The following SUGCT variants were observed in gnomAD, a reference collection of about 807,000 sequenced individuals.
The protein encoded by SUGCT is succinyl-CoA:glutarate CoA-transferase.
A neutral mutation model predicts 55.0 loss-of-function variants in SUGCT; 41 were observed. The ratio of observed to expected loss-of-function variants is 0.74; its 90% CI spans 0.58 to 0.97. SUGCT has a LOEUF of 0.97. Among genes scored for constraint, SUGCT ranks in the 50% least tolerant of loss-of-function variants. The pLI, the probability that SUGCT is intolerant of heterozygous loss-of-function variation, is 0.00. For missense variants in SUGCT, 568 were observed against 547.8 expected (o/e 1.04, Z -0.37); for synonymous variants, 187 against 200.4 (o/e 0.93, Z 0.56).
At chr7:40,694,945 G>A (rs1213294507) in intron 12 of SUGCT, among the ~76,000 whole-genome samples, 1 of 152,140 alleles carries the variant, frequency 6.6e-6, no homozygotes, top group Admixed American at 6.5e-5. Context: ...CTGCTCAGCT[G>A]TAGTCACTTT....
intron 3 of SUGCT, among the ~76,000 whole-genome samples, chr7:40,187,582 T>C (rs1785598429): frequency 6.6e-6 from 1 of 152,182 alleles, no homozygotes; most frequent in Admixed American, 6.6e-5. Flanking sequence ...CAGGAAAGCC[T>C]GTAGGCCTCC....
At chr7:40,171,440 A>G (rs970468988) in intron 1 of SUGCT, among the ~76,000 whole-genome samples, 2 of 152,202 alleles carry the variant, frequency 1.3e-5, no homozygotes, top group Admixed American at 6.5e-5. Flanking sequence ...CTTGTCCTGA[A>G]TGGAGTTCCT....
intron 9 of SUGCT, among the ~76,000 whole-genome samples, chr7:40,441,173 A>T (rs1237493185): frequency 6.6e-6 from 1 of 152,190 alleles, no homozygotes. Context: ...AATGTACTTT[A>T]TGAACTTAGT....
intron 12 of SUGCT, among the ~76,000 whole-genome samples, chr7:40,523,583 G>A (rs904138053): frequency 2.6e-5 from 4 of 151,926 alleles, no homozygotes; most frequent in South Asian, 2.1e-4. Context: ...AGGTCTCACC[G>A]GGCTAAAATC....
In SUGCT at chr7:40,328,911, G is replaced by A. The variant is rs139617706; in HGVS notation, c.816+12056G>A. Among the ~76,000 whole-genome samples the A allele has an allele frequency of 2.3e-3, 353 of 152,238 alleles. 4 individuals are homozygous for A. Among genetic ancestry groups the A allele is most frequent in the African/African-American group, 8.0e-3 (334 of 41,552 alleles). On this transcript the variant is annotated intron_variant, in intron 9 of 13. Coordinates refer to ENST00000335693, the MANE Select transcript of SUGCT (RefSeq NM_001193313.2). ...GGAGGCCTAGGTGGGAAGAGTTTGG[G>A]TGAGGCCTGGCATAGCTCCTCTTTG... is the stretch of plus-strand genomic sequence containing the variant.
At chr7:40,970,371 C>T in the SUGCT span, among the ~76,000 whole-genome samples, 2 of 152,052 alleles carry the variant, frequency 1.3e-5, no homozygotes, top group African/African-American at 4.8e-5. Context: ...AAGGTTTCGC[C>T]ATGTTAGCCA....
intron 7 of SUGCT, among the ~76,000 whole-genome samples, chr7:40,267,099 A>G (rs1423985875): frequency 6.6e-6 from 1 of 152,050 alleles, no homozygotes; most frequent in East Asian, 1.9e-4. Flanking sequence ...AGAGAAATAC[A>G]TGAATACATA....
intron 7 of SUGCT, among the ~76,000 whole-genome samples, chr7:40,267,620 A>C (rs1489174571): frequency 6.6e-6 from 1 of 152,210 alleles, no homozygotes; most frequent in South Asian, 2.1e-4. Context: ...TAGTACTGCT[A>C]TAGCAGCAGG....
At chr7:40,618,693 A>C (rs565471944) in intron 12 of SUGCT, among the ~76,000 whole-genome samples, 1 of 152,314 alleles carries the variant, frequency 6.6e-6, no homozygotes, top group Admixed American at 6.5e-5. Flanking sequence ...TTCATAAGGC[A>C]CTATACATGA....
chr7:40,349,628 G>A (rs1471506614), intron 9 of SUGCT, among the ~76,000 whole-genome samples: 1 of 151,624 alleles, frequency 6.6e-6, no homozygotes, highest in Admixed American at 6.6e-5. Flanking sequence ...TTTGCCGCTT[G>A]CTCCTCACCT....
At chr7:40,609,269 A>G (rs1007027693) in intron 12 of SUGCT, among the ~76,000 whole-genome samples, 11 of 152,122 alleles carry the variant, frequency 7.2e-5, no homozygotes, top group Admixed American at 7.2e-4. Context: ...TTCTCACTGC[A>G]TGGGAAGTTC....
rs998010495 is a variant in SUGCT at position 40,194,876 on chromosome 7, T to C, written c.364-64T>C. The C allele has an allele frequency of 4.5e-6, 7 of 1,538,462 alleles. No individual in the cohort carries two copies. The Admixed American group carries it at 1.3e-4, about 29-fold the overall frequency. The stretch of plus-strand genomic sequence containing the variant: ...AAAGGGAGAATCAATTGTGTAAAGT[T>C]AAAATTCTATCATGTGGGGATTTGT... On this transcript the variant is annotated intron_variant, in intron 5 of 13. Coordinates refer to ENST00000335693, the MANE Select transcript of SUGCT (RefSeq NM_001193313.2).
chr7:40,316,725 G>A (rs764551162), intron 8 of SUGCT, 35 bp from the exon 9 acceptor site: 2 of 1,338,290 alleles, frequency 1.5e-6, no homozygotes, highest in Non-Finnish European at 2.1e-6. Context: ...TAAACTAGCT[G>A]TTCTATTTTA....
intron 13 of SUGCT, among the ~76,000 whole-genome samples, chr7:40,828,460 T>C (rs551729589): frequency 4.3e-4 from 66 of 152,172 alleles, no homozygotes; most frequent in African/African-American, 1.6e-3. Context: ...AGAAAAGGCA[T>C]CTGGAGAGCT....
chr7:40,183,027 C>T (rs1436319444), intron 3 of SUGCT, among the ~76,000 whole-genome samples: 1 of 152,192 alleles, frequency 6.6e-6, no homozygotes, highest in Non-Finnish European at 1.5e-5. Flanking sequence ...AATCCCAGTA[C>T]TTTGGGAGGC....
chr7:40,212,955 G>A (rs28491242), intron 6 of SUGCT, among the ~76,000 whole-genome samples: 10,069 of 152,160 alleles, frequency 0.066, 1,041 homozygotes, highest in African/African-American at 0.22. Context: ...ATATGAGAAC[G>A]TCGTATCATA....
At chr7:40,945,652 A>G in the SUGCT span, among the ~76,000 whole-genome samples, 1 of 152,156 alleles carries the variant, frequency 6.6e-6, no homozygotes, top group Non-Finnish European at 1.5e-5. Flanking sequence ...GCTCTGCTGA[A>G]TGAAAATTTT....
chr7:40,693,908 A>C (rs1232421175), intron 12 of SUGCT, among the ~76,000 whole-genome samples: 2 of 152,142 alleles, frequency 1.3e-5, no homozygotes, highest in African/African-American at 4.8e-5. Context: ...CTCACAAAAC[A>C]CTGTCCCGCC....
chr7:40,210,603 A>G (rs796244259), intron 6 of SUGCT, among the ~76,000 whole-genome samples: 1 of 152,194 alleles, frequency 6.6e-6, no homozygotes, highest in South Asian at 2.1e-4. Context: ...ATTTATATAT[A>G]GAAGGGTGAG....
Sources: allele counts gnomAD v4.1 joint callset (sites outside exome capture counted in the v4.1 genomes callset), GRCh38; gene constraint gnomAD v4.1.1; transcripts MANE v1.5; gene names NCBI Gene and HGNC (gene_info 2026-07-23, HGNC 2026-07-21).